The following ALKBH1 variants were observed in gnomAD, a reference collection of about 807,000 sequenced individuals.
The protein encoded by ALKBH1 is nucleic acid dioxygenase ALKBH1.
Under a neutral mutation model 36.6 loss-of-function variants are expected in ALKBH1, and 31 were observed. The ratio of observed to expected loss-of-function variants is 0.85; its 90% CI spans 0.64 to 1.14. The LOEUF is 1.14. Ranked by LOEUF, ALKBH1 falls within the 50% of genes most tolerant of loss-of-function variation. The pLI is 0.00. For synonymous variants in ALKBH1, 183 were observed against 186.6 expected, an observed-to-expected ratio of 0.98 and a Z score of 0.16; for missense variants, 490 against 497.3, an observed-to-expected ratio of 0.99 and a Z score of 0.14.
chr14:77,703,030 T>C (rs982507962), intron 2 of ALKBH1, among the ~76,000 whole-genome samples: 5 of 151,952 alleles, frequency 3.3e-5, no homozygotes, highest in African/African-American at 1.2e-4. Context: ...CATATACCTG[T>C]AGTCTCAGCT....
rs374958082 is a variant in ALKBH1, at chr14:77,693,252, T to C, written c.455+1486A>G. Among the ~76,000 whole-genome samples, 20 of 148,498 alleles carry C rather than the reference T, an allele frequency of 1.3e-4. No individual in the cohort carries two copies. The East Asian group carries it at 3.5e-3, about 26-fold the overall frequency. On this transcript the variant is annotated intron_variant, in intron 3 of 5. Coordinates refer to ENST00000216489, the MANE Select transcript of ALKBH1 (RefSeq NM_006020.3). The stretch of plus-strand genomic sequence containing the variant: ...TTTTTTCATAGAGATGGGGTCTTGC[T>C]ATGTTGCCCAGGCTGGTAACTCCAG...
chr14:77,695,593 T>C (rs1309084092), intron 2 of ALKBH1, among the ~76,000 whole-genome samples: 2 of 152,192 alleles, frequency 1.3e-5, no homozygotes, highest in Non-Finnish European at 2.9e-5. Context: ...AGCTTCTCAA[T>C]GTAGTAATCC....
intron 3 of ALKBH1, chr14:77,683,218 T>C (rs961502358): frequency 1.0e-5 from 7 of 682,722 alleles, no homozygotes; most frequent in East Asian, 3.1e-5. Context: ...TATGAATCCA[T>C]AGAGAATAGG....
At chr14:77,689,421 C>T (rs2080285979) in intron 3 of ALKBH1, among the ~76,000 whole-genome samples, 1 of 152,084 alleles carries the variant, frequency 6.6e-6, no homozygotes, top group Non-Finnish European at 1.5e-5. Flanking sequence ...CACAAATGTA[C>T]ATTATTTAAT....
At chr14:77,706,849 T>C (rs1399211768) in intron 1 of ALKBH1, among the ~76,000 whole-genome samples, 3 of 152,198 alleles carry the variant, frequency 2.0e-5, no homozygotes, top group African/African-American at 7.2e-5. Flanking sequence ...TATGCAATCA[T>C]TAACACTTAA....
intron 2 of ALKBH1, 45 bp downstream of exon 2, chr14:77,704,323 TA>T: frequency 7.5e-7 from 1 of 1,335,084 alleles, no homozygotes; most frequent in Non-Finnish European, 1.1e-6. Flanking sequence ...CATGAAGACA[TA>T]AATGATTGAG....
At chr14:77,697,332 C>A in intron 2 of ALKBH1, 1 of 156,930 alleles carries the variant, frequency 6.4e-6, no homozygotes, top group South Asian at 1.8e-4. Context: ...GAAGCACTGT[C>A]AGGAGAGGAA....
intron 3 of ALKBH1, among the ~76,000 whole-genome samples, chr14:77,680,690 T>TTTTTTTTTTTTTTTTTTTTG: frequency 6.7e-6 from 1 of 150,066 alleles, no homozygotes; most frequent in African/African-American, 2.5e-5. Context: ...TTTTTTTTTT[T>TTTTTTTTTTTTTTTTTTTTG]TTTTTTGAGA....
chr14:77,699,020 G>T (rs186179555), intron 2 of ALKBH1, among the ~76,000 whole-genome samples: 28 of 152,248 alleles, frequency 1.8e-4, no homozygotes, highest in Admixed American at 8.5e-4. Context: ...TGATCTGCCC[G>T]CCTCGGCCTC....
In ALKBH1 at chr14:77,674,023, T is replaced by C; in HGVS notation, c.959A>G (p.Glu320Gly). The change falls in exon 6 of 6, where the codon GAG (glutamate) becomes GGG (glycine). Residue 320 changes from glutamate (E) to glycine (G), a missense_variant. Transcript: ENST00000216489. The part of the protein sequence containing the change: ...PAVLPRDSMV[E>G]PCSMEDWQVC... ...CTGCCAGTCCTCCATAGAACAAGGCTCTACCATTGAATCTCTCGGGAGGAC... is the reference window on the plus strand; with the variant it reads ...CTGCCAGTCCTCCATAGAACAAGGCCCTACCATTGAATCTCTCGGGAGGAC... The C allele has an allele frequency of 6.2e-7, 1 of 1,614,162 alleles. No individual in the cohort carries two copies. The highest frequency in any genetic ancestry group is 8.5e-7 in the Non-Finnish European group (1 of 1,180,036).
intron 4 of ALKBH1, among the ~76,000 whole-genome samples, chr14:77,678,853 A>G (rs56412551): frequency 0.3 from 45,916 of 151,798 alleles, 7,333 homozygotes; most frequent in African/African-American, 0.42. Flanking sequence ...ATCTTGTTCT[A>G]TCACCCAGTT....
chr14:77,680,677 C>CTCTCTTTTTTTTT (rs774703181), intron 3 of ALKBH1, among the ~76,000 whole-genome samples: 1 of 124,348 alleles, frequency 8.0e-6, no homozygotes, highest in African/African-American at 3.2e-5. Flanking sequence ...ATTAACTACT[C>CTCTCTTTTTTTTT]TTTTTTTTTT....
chr14:77,705,255 A>T (rs1435746924), intron 1 of ALKBH1, among the ~76,000 whole-genome samples: 1 of 152,136 alleles, frequency 6.6e-6, no homozygotes, highest in Non-Finnish European at 1.5e-5. Context: ...TCTACTAAAA[A>T]TACAAAAATT....
At chr14:77,682,998 A>G (rs1443130541) in intron 3 of ALKBH1, among the ~76,000 whole-genome samples, 2 of 152,062 alleles carry the variant, frequency 1.3e-5, no homozygotes, top group East Asian at 3.9e-4. Flanking sequence ...CACCTGGCCT[A>G]TTTTTATTGT....
At chr14:77,694,119 T>C (rs2080313776) in intron 3 of ALKBH1, among the ~76,000 whole-genome samples, 1 of 152,212 alleles carries the variant, frequency 6.6e-6, no homozygotes, top group Non-Finnish European at 1.5e-5. Flanking sequence ...TTCTGAGCTC[T>C]ACAGTAATTA....
chr14:77,689,306 T>C (rs1383161559), intron 3 of ALKBH1, among the ~76,000 whole-genome samples: 1 of 152,234 alleles, frequency 6.6e-6, no homozygotes, highest in Non-Finnish European at 1.5e-5. Flanking sequence ...TGCTTTGGTA[T>C]TGTAAATTCC....
chr14:77,702,893 G>A (rs780700620), intron 2 of ALKBH1, among the ~76,000 whole-genome samples: 1 of 152,044 alleles, frequency 6.6e-6, no homozygotes, highest in African/African-American at 2.4e-5. Context: ...GGTGTCTCAC[G>A]CCTGTAATCC....
chr14:77,693,038 C>T (rs1159474081), intron 3 of ALKBH1, among the ~76,000 whole-genome samples: 1 of 151,604 alleles, frequency 6.6e-6, no homozygotes. Context: ...AAACCCCTAC[C>T]TCTACTAAAA....
chr14:77,679,841 T>C, intron 4 of ALKBH1, 39 bp downstream of exon 4: 1 of 1,497,856 alleles, frequency 6.7e-7, no homozygotes, highest in Non-Finnish European at 9.3e-7. Flanking sequence ...TAAAGAAGCC[T>C]ATAAACAGAA....
Sources: gnomAD v4.1 joint callset for allele counts (sites outside exome capture counted in the v4.1 genomes callset) on GRCh38, gnomAD v4.1.1 for gene constraint, MANE v1.5 for transcripts, NCBI Gene and HGNC (gene_info 2026-07-23, HGNC 2026-07-21) for gene names.